TRA2A: variants seen among roughly 807,000 people sequenced by gnomAD.
TRA2A encodes transformer-2 protein homolog alpha.
A neutral mutation model predicts 45.7 loss-of-function variants in TRA2A; 31 were observed. The observed-to-expected ratio is 0.68, with a 90% CI of 0.51 to 0.92. The LOEUF (loss-of-function observed/expected upper bound fraction) is 0.92, where lower values mean the gene tolerates loss of function less well. Ranked by LOEUF, TRA2A falls within the 40% of genes least tolerant of loss-of-function variation. TRA2A has a pLI of 0.00. For synonymous variants in TRA2A, 132 were observed against 126.2 expected (o/e 1.05, Z -0.31); for missense variants, 304 against 367.5 (o/e 0.83, Z 1.41).
chr7:23,525,014 T>C (rs1790283541), intron 1 of TRA2A, among the ~76,000 whole-genome samples: 1 of 152,140 alleles, frequency 6.6e-6, no homozygotes, highest in Admixed American at 6.5e-5. Context: ...AAAAACAACT[T>C]ACAAACTTAT....
chr7:23,522,970 GACT>G (rs1790195490), intron 1 of TRA2A, among the ~76,000 whole-genome samples: 3 of 152,066 alleles, frequency 2.0e-5, no homozygotes, highest in Admixed American at 6.6e-5. Flanking sequence ...TCCCAACTTT[GACT>G]ACTATCTTTG....
chr7:23,522,751 C>A (rs1200902544), intron 1 of TRA2A, among the ~76,000 whole-genome samples: 3 of 151,930 alleles, frequency 2.0e-5, no homozygotes, highest in African/African-American at 7.2e-5. Flanking sequence ...ACTATAATTT[C>A]CCCCCACCTA....
At chr7:23,510,356 G>A (rs955210821) in intron 4 of TRA2A, among the ~76,000 whole-genome samples, 7 of 152,088 alleles carry the variant, frequency 4.6e-5, no homozygotes, top group Non-Finnish European at 8.8e-5. Context: ...ATGAAGTGGA[G>A]TCTCACTCTG....
Position 23,516,324 on chromosome 7 carries a change from G to A in TRA2A, c.336+39C>T, listed in dbSNP as rs199580147. ...ATATGCCATGACTAAACACATAAAA[G>A]AGAAAATAAGTCTTCATTAACTTTT... is the stretch of plus-strand genomic sequence containing the variant. On this transcript the variant is annotated intron_variant, in intron 3 of 7. Coordinates refer to ENST00000297071, the MANE Select transcript of TRA2A (RefSeq NM_013293.5). 2,049 of 1,608,960 alleles carry A rather than the reference G, an allele frequency of 1.3e-3. 23 individuals carry two copies. In the South Asian group the frequency reaches 0.014, roughly 11 times the overall value.
At chr7:23,516,310 C>T (rs1387123026) in intron 3 of TRA2A, 53 bp downstream of exon 3, 1 of 1,595,406 alleles carries the variant, frequency 6.3e-7, no homozygotes, top group Admixed American at 1.7e-5. Context: ...TATGCCATGA[C>T]TAAACACATA....
chr7:23,519,262 C>T (rs1050510757), intron 2 of TRA2A, among the ~76,000 whole-genome samples: 3 of 152,042 alleles, frequency 2.0e-5, no homozygotes, highest in Admixed American at 2.0e-4. Context: ...GTGTTGGTGG[C>T]GTGTGCCTGT....
At position 23,521,692 on chromosome 7, in the gene TRA2A, C is replaced by T; in HGVS notation, c.170+15G>A. 1 of 1,613,826 alleles carries T rather than the reference C, an allele frequency of 6.2e-7. No homozygotes were observed. The highest frequency in any genetic ancestry group is 1.1e-5 in the South Asian group (1 of 91,056). On this transcript the variant is annotated intron_variant, in intron 2 of 7. Coordinates refer to ENST00000297071, the MANE Select transcript of TRA2A (RefSeq NM_013293.5). ...CCCAGAAGAATATTTTAAGTATTAT[C>T]TTAAACACACTTACCTGGATTTTGA...
intron 1 of TRA2A, among the ~76,000 whole-genome samples, chr7:23,525,815 C>G (rs1790317121): frequency 1.3e-5 from 2 of 152,094 alleles, no homozygotes; most frequent in East Asian, 1.9e-4. Context: ...AGGCTGGCCT[C>G]GAACTCCTGA....
intron 2 of TRA2A, among the ~76,000 whole-genome samples, chr7:23,518,610 G>A (rs901880390): frequency 6.6e-6 from 1 of 151,290 alleles, no homozygotes; most frequent in African/African-American, 2.4e-5. Context: ...CAAAGCACTG[G>A]GATTACAGGC....
intron 2 of TRA2A, among the ~76,000 whole-genome samples, chr7:23,518,730 T>C (rs1418207160): frequency 6.6e-6 from 1 of 150,618 alleles, no homozygotes; most frequent in Non-Finnish European, 1.5e-5. Context: ...TCACCCAGAC[T>C]GGAGTGTGCA....
At chr7:23,521,882 G>A (rs1034189084) in intron 1 of TRA2A, 42 bp from the exon 2 acceptor site, 1 of 1,612,244 alleles carries the variant, frequency 6.2e-7, no homozygotes, top group Non-Finnish European at 8.5e-7. Context: ...TGGTCATGTA[G>A]ATGCCTAACA....
At chr7:23,511,574 A>G (rs950711122) in intron 4 of TRA2A, among the ~76,000 whole-genome samples, 5 of 151,940 alleles carry the variant, frequency 3.3e-5, no homozygotes, top group African/African-American at 9.7e-5. Flanking sequence ...AATTACTATC[A>G]ACTTTTAGTA....
intron 4 of TRA2A, among the ~76,000 whole-genome samples, chr7:23,509,640 G>A (rs1171121755): frequency 6.6e-6 from 1 of 151,944 alleles, no homozygotes; most frequent in African/African-American, 2.4e-5. Context: ...GGAGGCAGAG[G>A]CAGAATTGCT....
At chr7:23,527,566 G>T (rs1790389283) in intron 1 of TRA2A, among the ~76,000 whole-genome samples, 1 of 152,208 alleles carries the variant, frequency 6.6e-6, no homozygotes, top group Non-Finnish European at 1.5e-5. Flanking sequence ...AAACTACTAT[G>T]CTGATTATTG....
intron 4 of TRA2A, among the ~76,000 whole-genome samples, chr7:23,510,063 C>CA (rs1045163256): frequency 6.6e-6 from 1 of 151,692 alleles, no homozygotes; most frequent in South Asian, 2.1e-4. Flanking sequence ...AAACAAACAA[C>CA]AAAAAAAGAA....
At chr7:23,519,701 A>G (rs767168598) in intron 2 of TRA2A, among the ~76,000 whole-genome samples, 4 of 152,320 alleles carry the variant, frequency 2.6e-5, no homozygotes, top group Non-Finnish European at 2.9e-5. Context: ...TAATCAAGCA[A>G]AATTTTTTTG....
intron 5 of TRA2A, among the ~76,000 whole-genome samples, chr7:23,506,727 T>A (rs1789354958): frequency 6.6e-6 from 1 of 152,240 alleles, no homozygotes; most frequent in Admixed American, 6.5e-5. Context: ...ACTATATTCC[T>A]TCTTTTATTC....
chr7:23,531,185 T>C, intron 1 of TRA2A: 2 of 985,680 alleles, frequency 2.0e-6, no homozygotes, highest in Non-Finnish European at 2.4e-6. Flanking sequence ...ACTAACCACT[T>C]CATTAGGCTC....
In TRA2A at chr7:23,505,868, A is replaced by C; in HGVS notation, c.771-55T>G. 5 of 1,119,940 alleles carry C rather than the reference A, an allele frequency of 4.5e-6. No individual in the cohort carries two copies. The South Asian group carries it at 8.6e-5, about 19-fold the overall frequency. The allele number at this position is 1,119,940 out of a possible 1,614,324, so 69.4% of individuals were successfully genotyped here. ...CTATATAATCACTCCACTGAGGCAG[A>C]TGAAAATAAAAATTCCTCATCATTC... On this transcript the variant is annotated intron_variant, in intron 6 of 7. Coordinates refer to ENST00000297071, the MANE Select transcript of TRA2A (RefSeq NM_013293.5).
Sources: allele counts gnomAD v4.1 joint callset (sites outside exome capture counted in the v4.1 genomes callset), GRCh38; gene constraint gnomAD v4.1.1; transcripts MANE v1.5; gene names NCBI Gene and HGNC (gene_info 2026-07-23, HGNC 2026-07-21).